Variants in DPYSL3 observed in about 807,000 individuals in gnomAD.
DPYSL3 encodes the protein dihydropyrimidinase-related protein 3.
A neutral mutation model predicts 66.1 loss-of-function variants in DPYSL3; 16 were observed. The ratio of observed to expected loss-of-function variants is 0.24; its 90% CI spans 0.16 to 0.37. DPYSL3 has a LOEUF of 0.37. DPYSL3 is among the 10% of genes least tolerant of loss of function. The pLI, the probability that DPYSL3 is intolerant of heterozygous loss-of-function variation, is 1.00. For missense variants in DPYSL3, 738 were observed against 916.2 expected (o/e 0.81, Z 2.51); for synonymous variants, 338 against 345.1 (o/e 0.98, Z 0.23).
intron 1 of DPYSL3, among the ~76,000 whole-genome samples, chr5:147,450,161 T>C (rs890877941): frequency 2.0e-5 from 3 of 152,194 alleles, no homozygotes; most frequent in African/African-American, 7.2e-5. Flanking sequence ...TCTCTGACCC[T>C]GAGCAAATTA....
At chr5:147,443,390 A>G (rs1056008664) in intron 1 of DPYSL3, among the ~76,000 whole-genome samples, 6 of 152,158 alleles carry the variant, frequency 3.9e-5, no homozygotes, top group Non-Finnish European at 5.9e-5. Flanking sequence ...ACAGAAAACC[A>G]GACACCGCAT....
At chr5:147,441,897 T>C (rs1171963137) in intron 1 of DPYSL3, among the ~76,000 whole-genome samples, 1 of 152,196 alleles carries the variant, frequency 6.6e-6, no homozygotes, top group East Asian at 1.9e-4. Flanking sequence ...CATACCTTCT[T>C]TGTGGAATAA....
At chr5:147,480,288 A>G (rs1395052360) in intron 1 of DPYSL3, among the ~76,000 whole-genome samples, 3 of 152,168 alleles carry the variant, frequency 2.0e-5, no homozygotes, top group African/African-American at 7.2e-5. Flanking sequence ...GCAGTCAGGT[A>G]GAGATCCCTC....
At chr5:147,493,398 C>G (rs940944456) in intron 1 of DPYSL3, among the ~76,000 whole-genome samples, 2 of 152,102 alleles carry the variant, frequency 1.3e-5, no homozygotes, top group African/African-American at 2.4e-5. Flanking sequence ...CATAGGGAGA[C>G]AGCATCTCTA....
At chr5:147,402,363 T>TACTCCTAACATGATGAC (rs1165074346) in intron 8 of DPYSL3, among the ~76,000 whole-genome samples, 11 of 135,458 alleles carry the variant, frequency 8.1e-5, no homozygotes, top group African/African-American at 3.8e-4. Context: ...TCTTTTTTTT[T>TACTCCTAACATGATGAC]TTGAGACGGA....
chr5:147,498,353 G>A (rs1048560749), intron 1 of DPYSL3, among the ~76,000 whole-genome samples: 25 of 152,102 alleles, frequency 1.6e-4, no homozygotes, highest in African/African-American at 5.3e-4. Flanking sequence ...GGGCATTTAG[G>A]TTGATTCCAT....
chr5:147,498,338 G>A (rs183894069), intron 1 of DPYSL3, among the ~76,000 whole-genome samples: 1 of 152,134 alleles, frequency 6.6e-6, no homozygotes, highest in East Asian at 1.9e-4. Context: ...CAGTCTATCA[G>A]TGAAGGGCAT....
rs576540706 is a variant in DPYSL3 at position 147,477,624 on chromosome 5, G to T, written c.381+31854C>A. 1.5e-3 allele frequency among the ~76,000 whole-genome samples: 178 copies of T among 121,606 alleles called. 2 individuals carry two copies. Among genetic ancestry groups the T allele is most frequent in the Middle Eastern group, 5.4e-3 (1 of 184 alleles). The allele number at this position is 121,606 out of a possible 152,430, so 79.8% of individuals were successfully genotyped here. A position where few individuals can be genotyped will look rare whatever the true frequency, so the allele number is the denominator to read the frequency against. ...GGAGTCTCGCTCTGTCGCCCAGGCC[G>T]GACTGCGGACTGCAGTGGCGCAATC... is the stretch of plus-strand genomic sequence containing the variant. On this transcript the variant is annotated intron_variant, in intron 1 of 13. Transcript: ENST00000343218.
chr5:147,465,084 C>T (rs74786134), intron 1 of DPYSL3, among the ~76,000 whole-genome samples: 2,468 of 152,224 alleles, frequency 0.016, 79 homozygotes, highest in African/African-American at 0.057. Context: ...ATTCCAGCTA[C>T]TTGGGAGGCT....
At chr5:147,396,543 G>A (rs1057105432) in intron 12 of DPYSL3, among the ~76,000 whole-genome samples, 1 of 152,176 alleles carries the variant, frequency 6.6e-6, no homozygotes, top group African/African-American at 2.4e-5. Flanking sequence ...ATCATCACAA[G>A]AAGTCCTGTC....
Position 147,405,620 on chromosome 5 carries a change from G to T in DPYSL3, c.1143C>A (p.Ala381=). The T allele has an allele frequency of 1.2e-6, 2 of 1,609,682 alleles. No individual in the cohort carries two copies. The highest frequency in any genetic ancestry group is 1.7e-5 in the Admixed American group (1 of 58,934). Residue 381 remains alanine (A), a synonymous_variant, in exon 8 of 14, where the codon GCC becomes GCA. Coordinates refer to ENST00000343218, the MANE Select transcript of DPYSL3 (RefSeq NM_001197294.2). The part of the protein sequence containing the change: ...SKSAADLISQ[A]RKKGNVVFGE... ...GGAAACACAAATCACCTTTTTTCCT[G>T]GCTTGTGAGATGAGGTCAGCTGCAC...
At chr5:147,458,467 A>C (rs1262104047) in intron 1 of DPYSL3, among the ~76,000 whole-genome samples, 1 of 152,202 alleles carries the variant, frequency 6.6e-6, no homozygotes, top group Non-Finnish European at 1.5e-5. Context: ...GGCAACCAGC[A>C]GATCCTCGGG....
At chr5:147,472,917 C>T (rs138243547) in intron 1 of DPYSL3, 1 of 152,250 alleles carries the variant, frequency 6.6e-6, no homozygotes, top group African/African-American at 2.4e-5. Context: ...GCATCTGAAG[C>T]TCATCTCTGC....
intron 1 of DPYSL3, among the ~76,000 whole-genome samples, chr5:147,480,541 C>T (rs1052558797): frequency 2.0e-5 from 3 of 152,030 alleles, no homozygotes; most frequent in African/African-American, 7.2e-5. Flanking sequence ...ATTATCTTGT[C>T]CAATGTCACA....
At chr5:147,483,787 A>G (rs1753287094) in intron 1 of DPYSL3, among the ~76,000 whole-genome samples, 1 of 152,178 alleles carries the variant, frequency 6.6e-6, no homozygotes. Context: ...TGAAGATGAG[A>G]TCTGAACAAG....
At chr5:147,492,310 A>G (rs1299713193) in intron 1 of DPYSL3, among the ~76,000 whole-genome samples, 2 of 152,204 alleles carry the variant, frequency 1.3e-5, no homozygotes, top group Admixed American at 1.3e-4. Flanking sequence ...AAAATGATAT[A>G]GGTCAGAAAC....
intron 1 of DPYSL3, among the ~76,000 whole-genome samples, chr5:147,482,736 T>C (rs1004937832): frequency 1.3e-5 from 2 of 152,168 alleles, no homozygotes; most frequent in Non-Finnish European, 2.9e-5. Flanking sequence ...AGAAGGAGGT[T>C]GTATTAGTCT....
intron 1 of DPYSL3, among the ~76,000 whole-genome samples, chr5:147,428,493 G>A (rs1420929423): frequency 6.6e-6 from 1 of 152,034 alleles, no homozygotes; most frequent in East Asian, 1.9e-4. Flanking sequence ...ATGTGAGCGT[G>A]GGGTATGACA....
rs780014551 is a variant in DPYSL3 at position 147,394,104 on chromosome 5, C to T, written c.1986G>A (p.Gly662=). The part of the protein sequence containing the change: ...FSLSGTQVDE[G]VRSASKRIVA... ...CGATGCGCTTGCTGGCTGAGCGAAC[C>T]CCCTCATCCACTTGGGTGCCTACAG... Residue 662 remains glycine (G), a synonymous_variant, in exon 14 of 14, where the codon GGG becomes GGA. Coordinates refer to ENST00000343218, the MANE Select transcript of DPYSL3 (RefSeq NM_001197294.2). 9 of 1,614,008 alleles carry T rather than the reference C, an allele frequency of 5.6e-6. No individual in the cohort carries two copies. In the South Asian group the frequency reaches 7.7e-5, roughly 14 times the overall value.
Sources: allele counts gnomAD v4.1 joint callset (sites outside exome capture counted in the v4.1 genomes callset), GRCh38; gene constraint gnomAD v4.1.1; transcripts MANE v1.5; gene names NCBI Gene and HGNC (gene_info 2026-07-23, HGNC 2026-07-21).